Variants in SYNCRIP observed in about 807,000 individuals in gnomAD.
SYNCRIP encodes heterogeneous nuclear ribonucleoprotein Q.
A neutral mutation model predicts 68.9 loss-of-function variants in SYNCRIP; 9 were observed. The observed-to-expected ratio is 0.13, with a 90% confidence interval of 0.08 to 0.23. The LOEUF is 0.23. Ranked by LOEUF, SYNCRIP falls within the 10% of genes least tolerant of loss-of-function variation. SYNCRIP has a pLI of 1.00. For missense variants in SYNCRIP, 414 were observed against 770.6 expected (o/e 0.54, Z 5.48); for synonymous variants, 258 against 254.0 (o/e 1.02, Z -0.15).
intron 2 of SYNCRIP, 23 bp from the exon 3 acceptor site, chr6:85,640,587 G>C: frequency 6.9e-7 from 1 of 1,440,090 alleles, no homozygotes; most frequent in Non-Finnish European, 9.5e-7. Flanking sequence ...AAAGTTATCA[G>C]CTTTTAATAT....
At position 85,614,669 on chromosome 6, in the gene SYNCRIP, TCA is replaced by T. The variant is rs2128277651; in HGVS notation, c.*85_*86del. 1.4e-6 allele frequency: 2 copies of T among 1,453,124 alleles called. No individual in the cohort carries two copies. The highest frequency in any genetic ancestry group is 2.5e-5 in the East Asian group (1 of 40,526). 90.0% of individuals were successfully genotyped at this position (1,453,124 alleles called of 1,614,324 possible). On this transcript the variant is annotated 3_prime_UTR_variant, in exon 11 of 11. Transcript: ENST00000369622. ...ACATAAAGGGAAATCTTGCCAGATG[TCA>T]CAAATTATAGCGGCACCCGTTCAGA...
At chr6:85,636,372 A>G (rs889083726) in intron 6 of SYNCRIP, among the ~76,000 whole-genome samples, 1 of 151,666 alleles carries the variant, frequency 6.6e-6, no homozygotes, top group African/African-American at 2.4e-5. Flanking sequence ...CTTGAACCTG[A>G]GGGGTGGAGG....
In SYNCRIP at chr6:85,618,748, C is replaced by A. The variant is rs552098478; in HGVS notation, c.1280+70G>T. On this transcript the variant is annotated intron_variant, in intron 10 of 10. Coordinates refer to ENST00000369622, the MANE Select transcript of SYNCRIP (RefSeq NM_006372.5). ...ATGCATTTAACAAGTCTGATCAACA[C>A]CTGTTATTTTCCAATTAGTGTATAA... 3.7e-5 allele frequency: 49 copies of A among 1,334,354 alleles called. No homozygotes were observed. The African/African-American group carries it at 6.2e-4, about 17-fold the overall frequency. 82.7% of individuals were successfully genotyped at this position (1,334,354 alleles called of 1,614,324 possible). A position where few individuals can be genotyped will look rare whatever the true frequency, so the allele number is the denominator to read the frequency against.
chr6:85,613,281 G>C (rs1805395129), downstream of SYNCRIP, among the ~76,000 whole-genome samples: 1 of 152,016 alleles, frequency 6.6e-6, no homozygotes, highest in Non-Finnish European at 1.5e-5. Flanking sequence ...TTTGAGACAT[G>C]AAGTAATCAT....
downstream of SYNCRIP, chr6:85,611,381 G>C (rs1469523718): frequency 1.3e-5 from 2 of 152,526 alleles, no homozygotes; most frequent in Non-Finnish European, 2.9e-5. Flanking sequence ...TGAGCATTTT[G>C]AACATATGAC....
At chr6:85,618,667 A>C (rs1278256431) in intron 10 of SYNCRIP, 151 bp downstream of exon 10, 7 of 581,324 alleles carry the variant, frequency 1.2e-5, no homozygotes, top group Non-Finnish European at 2.1e-5. Flanking sequence ...AAACACTTAG[A>C]TCACTGGTGT....
chr6:85,640,203 G>A lies in SYNCRIP; in HGVS notation c.375+18C>T, dbSNP rs1440392941. 2.6e-6 allele frequency: 4 copies of A among 1,533,718 alleles called. No homozygotes were observed. Among genetic ancestry groups the A allele is most frequent in the Admixed American group, 1.7e-5 (1 of 59,078 alleles). On this transcript the variant is annotated intron_variant, in intron 4 of 10. Coordinates refer to ENST00000369622, the MANE Select transcript of SYNCRIP (RefSeq NM_006372.5). ...GTTAAAATGACTTTAAAACTAAAGG[G>A]AGTATAGAAAGACATACCTTAATTT...
chr6:85,613,871 G>C (rs543805323), downstream of SYNCRIP: 1 of 660,680 alleles, frequency 1.5e-6, no homozygotes, highest in African/African-American at 2.0e-5. Context: ...ACTGAAAGTG[G>C]ACTTGTCAGT....
rs2128278141 is a variant in SYNCRIP at position 85,615,039 on chromosome 6, C to A, written c.1589G>T (p.Gly530Val). 6.2e-7 allele frequency: 1 copy of A among 1,614,094 alleles called. No individual in the cohort carries two copies. The highest frequency in any genetic ancestry group is 1.1e-5 in the South Asian group (1 of 91,080). Residue 530 changes from glycine (G) to valine (V), a missense_variant, in exon 11 of 11, where the codon GGA (glycine) becomes GTA (valine). Physicochemically the swap from Gly to Val is moderately radical, Grantham distance 109 (BLOSUM62 -3). This residue lies in a region of SYNCRIP where 130 missense variants were observed against 149.0 expected (regional missense o/e 0.87). Transcript: ENST00000369622. ...RAGYSQRGGP[G>V]SARGVRGARG... ...CGCACCTCGAACGCCTCTTGCTGAT[C>A]CAGGACCTCCTCTCTGTGAATAACC...
At chr6:85,643,466 C>T (rs1489225928), upstream of SYNCRIP, among the ~76,000 whole-genome samples, 2 of 152,020 alleles carry the variant, frequency 1.3e-5, no homozygotes, top group Non-Finnish European at 2.9e-5. Flanking sequence ...ACGGTGGCGG[C>T]CGAGGGGCCG....
intron 7 of SYNCRIP, 100 bp downstream of exon 7, chr6:85,623,877 G>T: frequency 7.1e-7 from 1 of 1,402,246 alleles, no homozygotes; most frequent in Non-Finnish European, 9.8e-7. Flanking sequence ...AGGATTCGAT[G>T]AGTCAATAAA....
chr6:85,621,806 A>C (rs939608642), intron 8 of SYNCRIP, among the ~76,000 whole-genome samples: 2 of 151,522 alleles, frequency 1.3e-5, no homozygotes, highest in Non-Finnish European at 2.9e-5. Context: ...TACTGTTTTT[A>C]GTAGTAAGAC....
upstream of SYNCRIP, chr6:85,643,347 C>A (rs1401993815): frequency 6.5e-6 from 1 of 152,734 alleles, no homozygotes; most frequent in African/African-American, 2.4e-5. Context: ...GTAGCCTACG[C>A]CTCGGGACGC....
chr6:85,635,287 A>C (rs1476217251), intron 6 of SYNCRIP, among the ~76,000 whole-genome samples: 1 of 152,204 alleles, frequency 6.6e-6, no homozygotes, highest in African/African-American at 2.4e-5. Flanking sequence ...TTACCAGTAA[A>C]TCTGAATTCC....
chr6:85,615,469 A>T, intron 10 of SYNCRIP, 122 bp from the exon 11 acceptor site: 1 of 610,586 alleles, frequency 1.6e-6, no homozygotes, highest in Non-Finnish European at 2.7e-6. Context: ...TAACTTTAAT[A>T]CAGAATTATT....
chr6:85,622,791 A>T, intron 7 of SYNCRIP, 104 bp from the exon 8 acceptor site: 1 of 905,798 alleles, frequency 1.1e-6, no homozygotes, highest in Non-Finnish European at 1.7e-6. Flanking sequence ...AAAATGAAAA[A>T]TCATCTCTTT....
chr6:85,611,360 ATTGTT>A (rs1171260938), downstream of SYNCRIP: 1 of 152,554 alleles, frequency 6.6e-6, no homozygotes, highest in Non-Finnish European at 1.5e-5. Context: ...ATGCAAAATG[ATTGTT>A]TGCCATGAGC....
intron 9 of SYNCRIP, 82 bp from the exon 10 acceptor site, chr6:85,619,021 T>C (rs1266107775): frequency 4.2e-6 from 6 of 1,415,360 alleles, no homozygotes; most frequent in Non-Finnish European, 5.9e-6. Flanking sequence ...TCATTTATCA[T>C]TAATGTGGGA....
chr6:85,641,875 C>A (rs1203434919), intron 1 of SYNCRIP, among the ~76,000 whole-genome samples: 1 of 152,168 alleles, frequency 6.6e-6, no homozygotes, highest in Non-Finnish European at 1.5e-5. Context: ...GTAACAACAG[C>A]CAGCGAAGAA....
Sources: gnomAD v4.1 joint callset for allele counts (sites outside exome capture counted in the v4.1 genomes callset) on GRCh38, gnomAD v4.1.1 for gene constraint, gnomAD v4.1.1 regional missense constraint, MANE v1.5 for transcripts, NCBI Gene and HGNC (gene_info 2026-07-23, HGNC 2026-07-21) for gene names.